The following DYNC2H1 variants were observed in gnomAD, a reference collection of about 807,000 sequenced individuals.
DYNC2H1 encodes the protein cytoplasmic dynein 2 heavy chain 1.
DYNC2H1 carries 410 observed loss-of-function variants against 570.0 expected under a neutral mutation model. The observed-to-expected ratio is 0.72, with a 90% CI of 0.66 to 0.78. The LOEUF (loss-of-function observed/expected upper bound fraction) is 0.78. Among genes scored for constraint, DYNC2H1 ranks in the 30% least tolerant of loss-of-function variants. DYNC2H1 has a pLI of 0.00. For missense variants in DYNC2H1, 4,865 were observed against 5,046.4 expected (o/e 0.96, Z 1.09); for synonymous variants, 1,688 against 1,677.6 (o/e 1.01, Z -0.15).
intron 62 of DYNC2H1, 86 bp downstream of exon 62, chr11:103,235,899 T>G: frequency 6.8e-7 from 1 of 1,463,796 alleles, no homozygotes; most frequent in Middle Eastern, 1.9e-4. Flanking sequence ...AATAGACCCT[T>G]TATTCTCTGT....
At chr11:103,417,505 T>C (rs1943329060) in intron 84 of DYNC2H1, among the ~76,000 whole-genome samples, 1 of 152,192 alleles carries the variant, frequency 6.6e-6, no homozygotes, top group Admixed American at 6.5e-5. Flanking sequence ...TTACAAGATA[T>C]TAGTAAATTG....
In DYNC2H1 at chr11:103,425,275, A is replaced by G. The variant is rs1183726606; in HGVS notation, c.12367-10668A>G. ...ATTCTTTATTCAGGTTGCTATTACA[A>G]ATTTTGATAGACTGGGTGGCTTAAA... On this transcript the variant is annotated intron_variant, in intron 84 of 88. Transcript: ENST00000375735. Among the ~76,000 whole-genome samples the G allele has an allele frequency of 1.8e-4, 27 of 152,040 alleles. 1 individual carries two copies. The highest frequency in any genetic ancestry group is 1.5e-5 in the Non-Finnish European group (1 of 68,002).
At chr11:103,142,624 G>C (rs937842839) in intron 17 of DYNC2H1, among the ~76,000 whole-genome samples, 1 of 152,054 alleles carries the variant, frequency 6.6e-6, no homozygotes, top group African/African-American at 2.4e-5. Context: ...AGCTTAGATC[G>C]CACCACTGTA....
At chr11:103,122,000 G>A (rs1230186700) in intron 10 of DYNC2H1, among the ~76,000 whole-genome samples, 1 of 152,078 alleles carries the variant, frequency 6.6e-6, no homozygotes, top group Non-Finnish European at 1.5e-5. Flanking sequence ...TTACCTGCAA[G>A]TATGTTTATG....
Position 103,439,642 on chromosome 11 carries a change from C to T in DYNC2H1, c.12456+3610C>T, listed in dbSNP as rs368158827. Among the ~76,000 whole-genome samples the T allele has an allele frequency of 4.6e-5, 7 of 151,960 alleles. No individual in the cohort carries two copies. In the East Asian group the frequency reaches 5.8e-4, roughly 13 times the overall value. On this transcript the variant is annotated intron_variant, in intron 85 of 88. Transcript: ENST00000375735. The surrounding 1 kb of genome is among the most constrained non-coding windows in gnomAD (Gnocchi z 4.1). The stretch of plus-strand genomic sequence containing the variant: ...CTCTTAATTTAGAGCTATAGATCCC[C>T]TAGGTATCCAAGGAACCTGAGCCAC...
intron 88 of DYNC2H1, 64 bp downstream of exon 88, chr11:103,468,769 CA>C: frequency 1.6e-6 from 2 of 1,274,350 alleles, no homozygotes; most frequent in Non-Finnish European, 2.2e-6. Context: ...TTTATCTTTT[CA>C]AGAAGACATT....
chr11:103,223,165 A>AT, intron 59 of DYNC2H1, 79 bp downstream of exon 59: 1 of 1,327,568 alleles, frequency 7.5e-7, no homozygotes, highest in South Asian at 1.8e-5. Flanking sequence ...TATTATTTTT[A>AT]TTTTTTCTCT....
intron 83 of DYNC2H1, among the ~76,000 whole-genome samples, chr11:103,378,398 C>G (rs1165130801): frequency 6.6e-6 from 1 of 151,998 alleles, no homozygotes; most frequent in Admixed American, 6.6e-5. Context: ...AGAAAAGAGC[C>G]CTTACCATTT....
At chr11:103,314,823 T>G (rs1170431224) in intron 79 of DYNC2H1, among the ~76,000 whole-genome samples, 2 of 151,938 alleles carry the variant, frequency 1.3e-5, no homozygotes, top group African/African-American at 4.8e-5. Flanking sequence ...TATTAAGCAA[T>G]ATTGATAGCA....
intron 84 of DYNC2H1, among the ~76,000 whole-genome samples, chr11:103,411,011 T>G (rs554557030): frequency 1.3e-5 from 2 of 152,126 alleles, no homozygotes; most frequent in African/African-American, 4.8e-5. Flanking sequence ...TTCACTGGGG[T>G]GGGGATGCTT....
chr11:103,180,378 A>G (rs1024096959), intron 39 of DYNC2H1, among the ~76,000 whole-genome samples: 5 of 151,704 alleles, frequency 3.3e-5, no homozygotes, highest in African/African-American at 7.2e-5. Context: ...AATTTATACA[A>G]TTTATACAAG....
chr11:103,360,445 G>C (rs895602347), intron 83 of DYNC2H1, among the ~76,000 whole-genome samples: 1 of 152,026 alleles, frequency 6.6e-6, no homozygotes, highest in East Asian at 1.9e-4. Flanking sequence ...AGCAATGATA[G>C]TATTCATGAG....
chr11:103,111,096 G>T (rs943325865), intron 1 of DYNC2H1, among the ~76,000 whole-genome samples: 1 of 152,196 alleles, frequency 6.6e-6, no homozygotes, highest in East Asian at 1.9e-4. Context: ...AAAGTGCTGG[G>T]ATTACAGGTG....
intron 81 of DYNC2H1, among the ~76,000 whole-genome samples, chr11:103,322,308 T>C (rs1170293907): frequency 6.6e-6 from 1 of 152,138 alleles, no homozygotes; most frequent in African/African-American, 2.4e-5. Context: ...TCCAACTCTA[T>C]TGTTAGAAGC....
rs1864515344 is a variant in DYNC2H1, at chr11:103,243,944, A to G, written c.9918+153A>G. ...TATAACTCTTAGCTTCAGTTTTCTAATTTGTAAAAAATAGATAAGAATATT... is the reference window on the plus strand; with the variant it reads ...TATAACTCTTAGCTTCAGTTTTCTAGTTTGTAAAAAATAGATAAGAATATT... On this transcript the variant is annotated intron_variant, in intron 64 of 88. Transcript: ENST00000375735. This position sits in a 1 kb window ranked among gnomAD's most constrained non-coding sequence, Gnocchi z 4.8. Among the ~76,000 whole-genome samples, 1 of 151,658 alleles carries G rather than the reference A, an allele frequency of 6.6e-6. No individual in the cohort carries two copies. Among genetic ancestry groups the G allele is most frequent in the South Asian group, 2.1e-4 (1 of 4,798 alleles).
chr11:103,119,366 A>C (rs555301676), intron 6 of DYNC2H1, among the ~76,000 whole-genome samples: 2 of 151,814 alleles, frequency 1.3e-5, no homozygotes, highest in East Asian at 3.9e-4. Flanking sequence ...TTGAGATGGA[A>C]TCTCGATATG....
chr11:103,295,162 C>T (rs1416437789), intron 75 of DYNC2H1, among the ~76,000 whole-genome samples: 2 of 152,164 alleles, frequency 1.3e-5, no homozygotes, highest in Non-Finnish European at 1.5e-5. Flanking sequence ...TTTGGGCCCT[C>T]AGGCCATTTA....
chr11:103,147,775 T>A lies in DYNC2H1; in HGVS notation c.2706T>A (p.Ala902=). Residue 902 remains alanine (A), a synonymous_variant, in exon 19 of 89, where the codon GCT becomes GCA. Transcript: ENST00000375735. ...TATGTCCATTGACATTTTTCAGTGCTGTCAAGGTAGATTGTTTAAATATTA... is the reference window on the plus strand; with the variant it reads ...TATGTCCATTGACATTTTTCAGTGCAGTCAAGGTAGATTGTTTAAATATTA... ...KGKEVERLPS[A]VKVDCLNINC... 6.3e-7 allele frequency: 1 copy of A among 1,596,558 alleles called. No homozygotes were observed.
intron 82 of DYNC2H1, among the ~76,000 whole-genome samples, chr11:103,332,723 T>C (rs1011762208): frequency 6.6e-6 from 1 of 152,164 alleles, no homozygotes; most frequent in Non-Finnish European, 1.5e-5. Context: ...CTTTCTCGGC[T>C]GGGCACAGTG....
Sources: allele counts gnomAD v4.1 joint callset (sites outside exome capture counted in the v4.1 genomes callset), GRCh38; gene constraint gnomAD v4.1.1; non-coding constraint Gnocchi (gnomAD v3.1); transcripts MANE v1.5; gene names NCBI Gene and HGNC (gene_info 2026-07-23, HGNC 2026-07-21).